The following FNDC3B variants were observed in gnomAD, a reference collection of about 807,000 sequenced individuals.
The protein encoded by FNDC3B is fibronectin type III domain-containing protein 3B.
A neutral mutation model predicts 151.5 loss-of-function variants in FNDC3B; 12 were observed. That is an observed-to-expected ratio of 0.08 (90% CI 0.05 to 0.13). The LOEUF is 0.13. FNDC3B is among the 10% of genes least tolerant of loss of function. FNDC3B has a pLI of 1.00. For missense variants in FNDC3B, 1,214 were observed against 1,505.3 expected (o/e 0.81, Z 3.20); for synonymous variants, 528 against 549.0 (o/e 0.96, Z 0.54).
chr3:172,066,213 C>T (rs769286019), intron 1 of FNDC3B, among the ~76,000 whole-genome samples: 14 of 152,086 alleles, frequency 9.2e-5, no homozygotes, highest in Non-Finnish European at 1.6e-4. Context: ...GTAATGATGA[C>T]GTTTGGGTGT....
At chr3:172,057,193 G>C (rs1345073352) in intron 1 of FNDC3B, among the ~76,000 whole-genome samples, 1 of 152,166 alleles carries the variant, frequency 6.6e-6, no homozygotes, top group African/African-American at 2.4e-5. Flanking sequence ...TGTTTTTTAA[G>C]AGCGATCAGG....
At chr3:172,394,839 C>G (rs767109389) in intron 25 of FNDC3B, among the ~76,000 whole-genome samples, 1 of 152,006 alleles carries the variant, frequency 6.6e-6, no homozygotes, top group African/African-American at 2.4e-5. Context: ...GTAAAAATCC[C>G]CAGTATAATG....
intron 6 of FNDC3B, among the ~76,000 whole-genome samples, chr3:172,253,514 T>G (rs894910040): frequency 6.6e-6 from 1 of 152,206 alleles, no homozygotes; most frequent in Non-Finnish European, 1.5e-5. Context: ...GTGTATCTCC[T>G]GCTGGAGTTT....
At chr3:172,132,983 A>G (rs1433950224) in intron 2 of FNDC3B, among the ~76,000 whole-genome samples, 1 of 152,166 alleles carries the variant, frequency 6.6e-6, no homozygotes, top group African/African-American at 2.4e-5. Context: ...AAGATCCTGT[A>G]CACAGATAAT....
intron 1 of FNDC3B, among the ~76,000 whole-genome samples, chr3:172,043,220 GTTT>G (rs1716181679): frequency 6.6e-6 from 1 of 152,204 alleles, no homozygotes; most frequent in African/African-American, 2.4e-5. Context: ...CCCGGACTAA[GTTT>G]TATTTACTTG....
chr3:172,119,834 C>T (rs1425656392), intron 2 of FNDC3B, among the ~76,000 whole-genome samples: 1 of 152,180 alleles, frequency 6.6e-6, no homozygotes, highest in Non-Finnish European at 1.5e-5. Flanking sequence ...ATTACTGACT[C>T]CACAGTGGGG....
chr3:172,268,697 G>A (rs926374813), intron 6 of FNDC3B, among the ~76,000 whole-genome samples: 1 of 152,152 alleles, frequency 6.6e-6, no homozygotes, highest in Non-Finnish European at 1.5e-5. Context: ...CAAAGCTGAG[G>A]GGAGATCACA....
chr3:172,052,685 A>C (rs1716724188), intron 1 of FNDC3B, among the ~76,000 whole-genome samples: 1 of 152,076 alleles, frequency 6.6e-6, no homozygotes, highest in South Asian at 2.1e-4. Context: ...TGTTCTTTAG[A>C]TCTGGGGTGG....
rs1576900551 is a variant in FNDC3B at position 172,312,924 on chromosome 3, G to A, written c.1254+2043G>A. ...CCTCTGCTGAAACAGGACAGGCCACGTCTGATGACTTTTTATGTTCAGCAT... is the reference window on the plus strand; with the variant it reads ...CCTCTGCTGAAACAGGACAGGCCACATCTGATGACTTTTTATGTTCAGCAT... On this transcript the variant is annotated intron_variant, in intron 11 of 25. Coordinates refer to ENST00000415807, the MANE Select transcript of FNDC3B (RefSeq NM_022763.4). 3.3e-5 allele frequency among the ~76,000 whole-genome samples: 5 copies of A among 152,256 alleles called. No individual in the cohort carries two copies. The South Asian group carries it at 1.0e-3, about 32-fold the overall frequency.
chr3:172,279,894 A>G (rs532704916), intron 6 of FNDC3B, among the ~76,000 whole-genome samples: 2 of 150,916 alleles, frequency 1.3e-5, no homozygotes, highest in East Asian at 1.9e-4. Flanking sequence ...AATTCAACAC[A>G]TATTCGTTGT....
chr3:172,301,873 A>ATAAT (rs978266686), intron 9 of FNDC3B: 2 of 152,206 alleles, frequency 1.3e-5, no homozygotes, highest in African/African-American at 4.8e-5. Flanking sequence ...AAATAAATAA[A>ATAAT]TAAGTGAATA....
chr3:172,124,274 A>G (rs2108559009), intron 2 of FNDC3B, among the ~76,000 whole-genome samples: 1 of 152,226 alleles, frequency 6.6e-6, no homozygotes, highest in East Asian at 1.9e-4. Context: ...AATTTTTAGT[A>G]GAGATGAGGT....
intron 11 of FNDC3B, among the ~76,000 whole-genome samples, chr3:172,316,600 T>C (rs1731800440): frequency 6.6e-6 from 1 of 152,236 alleles, no homozygotes; most frequent in Admixed American, 6.5e-5. Flanking sequence ...AGAAAGTATT[T>C]ATGCAAAGTT....
At chr3:172,231,415 A>C (rs910230746) in intron 4 of FNDC3B, among the ~76,000 whole-genome samples, 38 of 152,134 alleles carry the variant, frequency 2.5e-4, no homozygotes, top group African/African-American at 9.2e-4. Context: ...GGACACTGTG[A>C]CCGGATGAAT....
intron 23 of FNDC3B, among the ~76,000 whole-genome samples, chr3:172,365,953 C>T (rs1266692711): frequency 3.3e-5 from 5 of 152,214 alleles, no homozygotes; most frequent in South Asian, 4.1e-4. Flanking sequence ...AACTAGAAGA[C>T]GATCTCTGAT....
At chr3:172,078,165 G>A (rs577433262) in intron 1 of FNDC3B, among the ~76,000 whole-genome samples, 2 of 152,236 alleles carry the variant, frequency 1.3e-5, no homozygotes, top group East Asian at 3.9e-4. Flanking sequence ...ACTTTTAGTA[G>A]AGATGGGTTT....
At chr3:172,387,146 G>A (rs1026031741) in intron 25 of FNDC3B, among the ~76,000 whole-genome samples, 4 of 151,862 alleles carry the variant, frequency 2.6e-5, no homozygotes, top group Middle Eastern at 3.4e-3. Flanking sequence ...TAGTAGAGAC[G>A]GGATTTCACC....
chr3:172,177,914 T>C (rs1015508027), intron 3 of FNDC3B, among the ~76,000 whole-genome samples: 1 of 152,020 alleles, frequency 6.6e-6, no homozygotes, highest in Non-Finnish European at 1.5e-5. Context: ...TGTGTTCTCA[T>C]TGTTCAACTC....
chr3:172,330,538 C>T lies in FNDC3B; in HGVS notation c.1380-3C>T. Reference sequence around the variant, plus strand: ...CTGTGTGCCTCACTTTCTTTCTCTACAGTGGTTATAGCCAAGAGGTGGTGT... The same window carrying T: ...CTGTGTGCCTCACTTTCTTTCTCTATAGTGGTTATAGCCAAGAGGTGGTGT... On this transcript the variant is annotated splice_region_variant and splice_polypyrimidine_tract_variant and intron_variant, in intron 12 of 25. Transcript: ENST00000415807. 4.4e-6 allele frequency: 7 copies of T among 1,609,116 alleles called. No homozygotes were observed. Among genetic ancestry groups the T allele is most frequent in the Non-Finnish European group, 5.9e-6 (7 of 1,176,954 alleles).
Sources: gnomAD v4.1 joint callset for allele counts (sites outside exome capture counted in the v4.1 genomes callset) on GRCh38, gnomAD v4.1.1 for gene constraint, MANE v1.5 for transcripts, NCBI Gene and HGNC (gene_info 2026-07-23, HGNC 2026-07-21) for gene names.